The following PCDH11X variants were observed in gnomAD, a reference collection of about 807,000 sequenced individuals.
The protein encoded by PCDH11X is protocadherin 11 X-linked.
Under a neutral mutation model 53.3 loss-of-function variants are expected in PCDH11X, and 18 were observed. The observed-to-expected ratio is 0.34, with a 90% CI of 0.23 to 0.50. The LOEUF (loss-of-function observed/expected upper bound fraction) is 0.50. PCDH11X is among the 20% of genes least tolerant of loss of function. The pLI is 0.98. For synonymous variants in PCDH11X, 279 were observed against 393.3 expected (o/e 0.71, Z 3.44); for missense variants, 570 against 1,032.4 (o/e 0.55, Z 6.14).
intron 9 of PCDH11X, among the ~76,000 whole-genome samples, chrX:92,436,714 G>A (rs1219934316): frequency 9.0e-6 from 1 of 110,979 alleles, no homozygotes; most frequent in Non-Finnish European, 1.9e-5. Flanking sequence ...ACTAATGCAG[G>A]TACAGAAAAC....
chrX:92,267,135 T>G (rs2067850683), intron 8 of PCDH11X, among the ~76,000 whole-genome samples: 1 of 112,254 alleles, frequency 8.9e-6, no homozygotes, highest in Non-Finnish European at 1.9e-5. Context: ...ACTGCTCTTT[T>G]TATTCAATCT....
At chrX:92,571,285 A>G (rs1008897649) in intron 10 of PCDH11X, among the ~76,000 whole-genome samples, 1 of 111,035 alleles carries the variant, frequency 9.0e-6, no homozygotes, top group Non-Finnish European at 1.9e-5. Flanking sequence ...TTACTTTGTG[A>G]CTTTGGCCAG....
Position 91,981,552 on chromosome X carries a change from T to C in PCDH11X, c.3033+102279T>C, listed in dbSNP as rs189837789. On this transcript the variant is annotated intron_variant, in intron 6 of 10. Transcript: ENST00000682573. ...TGGAATCAGAAATTATAGGTTATTT[T>C]CTGGATCTACCACTTAACCTTTTAT... Among the ~76,000 whole-genome samples the C allele has an allele frequency of 5.2e-3, 584 of 111,872 alleles. 6 individuals are homozygous for C. The highest frequency in any genetic ancestry group is 0.018 in the African/African-American group (560 of 30,825).
At chrX:92,544,661 T>A (rs1262469857) in intron 10 of PCDH11X, among the ~76,000 whole-genome samples, 2 of 111,007 alleles carry the variant, frequency 1.8e-5, no homozygotes, top group Admixed American at 1.9e-4. Context: ...AACCCCATCA[T>A]ATGGTTTCAT....
intron 10 of PCDH11X, among the ~76,000 whole-genome samples, chrX:92,564,350 T>G (rs1159888888): frequency 1.9e-5 from 2 of 103,249 alleles, no homozygotes; most frequent in African/African-American, 7.0e-5. Flanking sequence ...GAGGAATCAC[T>G]TCACCTTGCT....
chrX:92,294,381 G>A (rs1880618571), intron 8 of PCDH11X, among the ~76,000 whole-genome samples: 1 of 111,438 alleles, frequency 9.0e-6, no homozygotes, highest in South Asian at 3.8e-4. Context: ...GAACTCAGGC[G>A]ACCCACCCAT....
intron 10 of PCDH11X, among the ~76,000 whole-genome samples, chrX:92,496,742 TC>T (rs1286320621): frequency 9.3e-6 from 1 of 108,084 alleles, no homozygotes; most frequent in Non-Finnish European, 1.9e-5. Context: ...TCACTATGAG[TC>T]CCTAAAATGT....
chrX:92,505,152 C>CTTTTT (rs58620449), intron 10 of PCDH11X, among the ~76,000 whole-genome samples: 19 of 64,248 alleles, frequency 3.0e-4, no homozygotes, highest in African/African-American at 5.9e-4. Context: ...TTTCTTTTTT[C>CTTTTT]TTTTTTTTTT....
intron 6 of PCDH11X, among the ~76,000 whole-genome samples, chrX:91,907,412 C>G (rs12007494): frequency 0.024 from 1,359 of 57,198 alleles, 41 homozygotes; most frequent in African/African-American, 0.06. Context: ...CACACACACA[C>G]AGAGAGAGAG....
chrX:92,138,501 ATAAAAT>A (rs1168359861), intron 6 of PCDH11X, among the ~76,000 whole-genome samples: 1 of 109,823 alleles, frequency 9.1e-6, no homozygotes, highest in African/African-American at 3.4e-5. Context: ...AAATATAAAC[ATAAAAT>A]TAAAATTAAC....
intron 10 of PCDH11X, among the ~76,000 whole-genome samples, chrX:92,616,641 A>G (rs1927997021): frequency 9.0e-6 from 1 of 110,763 alleles, no homozygotes; most frequent in African/African-American, 3.3e-5. Flanking sequence ...TGCTATAGTA[A>G]ATCTTGAAAT....
chrX:92,047,085 T>A (rs1282343980), intron 6 of PCDH11X, among the ~76,000 whole-genome samples: 1 of 79,876 alleles, frequency 1.3e-5, no homozygotes, highest in Non-Finnish European at 2.0e-5. Flanking sequence ...TATTTTCTCT[T>A]TAGGATATAT....
At chrX:92,018,353 T>TTTGC (rs2062830448) in intron 6 of PCDH11X, among the ~76,000 whole-genome samples, 2 of 112,299 alleles carry the variant, frequency 1.8e-5, no homozygotes, top group South Asian at 7.3e-4. Flanking sequence ...AAATCTTAAA[T>TTTGC]AGATATAATT....
intron 5 of PCDH11X, among the ~76,000 whole-genome samples, chrX:91,845,811 C>T (rs1237738069): frequency 9.1e-6 from 1 of 110,367 alleles, no homozygotes; most frequent in Non-Finnish European, 1.9e-5. Flanking sequence ...AGCTAGAGCT[C>T]TCACACAGAA....
intron 9 of PCDH11X, among the ~76,000 whole-genome samples, chrX:92,392,483 A>C (rs1352574540): frequency 9.1e-6 from 1 of 109,870 alleles, no homozygotes; most frequent in African/African-American, 3.3e-5. Context: ...GTAATCTAAT[A>C]AATTGGTATA....
intron 10 of PCDH11X, among the ~76,000 whole-genome samples, chrX:92,471,735 A>G (rs949854065): frequency 9.8e-6 from 1 of 102,110 alleles, no homozygotes; most frequent in African/African-American, 3.6e-5. Flanking sequence ...CCACCGGTGG[A>G]TAAGTTTTCC....
At position 91,907,341 on chromosome X, in the gene PCDH11X, C is replaced by CAG. The variant is rs1417891182; in HGVS notation, c.3033+28069_3033+28070insGA. Reference sequence around the variant, plus strand: ...TCCCCAAAGAGCAACCATTGGCACACATGCATGTACATGATACACACCACC... The same window carrying CAG: ...TCCCCAAAGAGCAACCATTGGCACACAGATGCATGTACATGATACACACCACC... On this transcript the variant is annotated intron_variant, in intron 6 of 10. Transcript: ENST00000682573. Among the ~76,000 whole-genome samples, 12 of 92,235 alleles carry CAG rather than the reference C, an allele frequency of 1.3e-4. 1 individual carries two copies. Among genetic ancestry groups the CAG allele is most frequent in the Non-Finnish European group, 2.1e-4 (10 of 46,978 alleles). The allele number at this position is 92,235 out of a possible 115,157, so 80.1% of individuals were successfully genotyped here.
At chrX:92,161,544 G>C (rs1199170408) in intron 6 of PCDH11X, among the ~76,000 whole-genome samples, 1 of 110,063 alleles carries the variant, frequency 9.1e-6, no homozygotes, top group African/African-American at 3.3e-5. Context: ...TGAGCTTTTT[G>C]TATTTGAATG....
intron 6 of PCDH11X, among the ~76,000 whole-genome samples, chrX:92,006,799 A>G (rs1477171316): frequency 9.0e-6 from 1 of 111,277 alleles, no homozygotes; most frequent in African/African-American, 3.3e-5. Context: ...TGATCTAAGC[A>G]GTATCTTCTT....
Sources: gnomAD v4.1 joint callset for allele counts (sites outside exome capture counted in the v4.1 genomes callset) on GRCh38, gnomAD v4.1.1 for gene constraint, MANE v1.5 for transcripts, NCBI Gene and HGNC (gene_info 2026-07-23, HGNC 2026-07-21) for gene names.